Variants in RNMT observed in about 807,000 individuals in gnomAD.
RNMT encodes RNA guanine-7 methyltransferase, also known as mRNA cap guanine-N(7) methyltransferase.
RNMT carries 27 observed loss-of-function variants against 56.0 expected under a neutral mutation model. That is an observed-to-expected ratio of 0.48 (90% confidence interval 0.36 to 0.67). The LOEUF is 0.67. Among genes scored for constraint, RNMT ranks in the 30% least tolerant of loss-of-function variants. The probability of loss-of-function intolerance (pLI) is 0.00; values close to 1 mark genes in which losing one functional copy is unlikely to be tolerated. For missense variants in RNMT, 519 were observed against 552.1 expected (o/e 0.94, Z 0.60); for synonymous variants, 184 against 176.2 (o/e 1.04, Z -0.35).
At position 13,762,441 on chromosome 18, in the gene RNMT, T is replaced by C. The variant is rs921280851; in HGVS notation, c.*2462T>C. 1 of 334,096 alleles carries C rather than the reference T, an allele frequency of 3.0e-6. No individual in the cohort carries two copies. Among genetic ancestry groups the C allele is most frequent in the Non-Finnish European group, 5.5e-6 (1 of 181,908 alleles). The allele number at this position is 334,096 out of a possible 1,614,324, so 20.7% of individuals were successfully genotyped here. On this transcript the variant is annotated 3_prime_UTR_variant, in exon 12 of 12. Coordinates refer to ENST00000383314, the MANE Select transcript of RNMT (RefSeq NM_003799.3). Reference sequence around the variant, plus strand: ...TGCAGAGTCACTGCACCATCAGGCTTGGCCCTGCTGTGCCTTCAGTACCCA... The same window carrying C: ...TGCAGAGTCACTGCACCATCAGGCTCGGCCCTGCTGTGCCTTCAGTACCCA...
chr18:13,737,808 T>G (rs1185534694), intron 5 of RNMT, among the ~76,000 whole-genome samples: 3 of 149,968 alleles, frequency 2.0e-5, no homozygotes, highest in Non-Finnish European at 4.4e-5. Flanking sequence ...ACTTATAAAT[T>G]AAGGGGAGGA....
In RNMT at chr18:13,736,967, T is replaced by C. The variant is rs752946421; in HGVS notation, c.554-43T>C. 5.7e-6 allele frequency: 9 copies of C among 1,575,394 alleles called. No homozygotes were observed. In the African/African-American group the frequency reaches 1.2e-4, roughly 21 times the overall value. ...GGTAACAGTTTATACTTCAGTAAAA[T>C]TGAAGAAGAGGTAGTTTATTGTGAC... On this transcript the variant is annotated intron_variant, in intron 4 of 11. Transcript: ENST00000383314.
rs765124043 is a variant in RNMT at position 13,762,089 on chromosome 18, G to T, written c.*2110G>T. ...GGCATGGCTTTCCACCGTCGGGCCA[G>T]GAAGAGCACCTGTTGCTGCAAGCTC... On this transcript the variant is annotated 3_prime_UTR_variant, in exon 12 of 12. Coordinates refer to ENST00000383314, the MANE Select transcript of RNMT (RefSeq NM_003799.3). The T allele has an allele frequency of 1.3e-6, 2 of 1,536,102 alleles. No individual in the cohort carries two copies. Among genetic ancestry groups the T allele is most frequent in the South Asian group, 2.4e-5 (2 of 84,052 alleles).
At chr18:13,742,745 A>G in intron 8 of RNMT, 93 bp downstream of exon 8, 1 of 932,826 alleles carries the variant, frequency 1.1e-6, no homozygotes. Flanking sequence ...TTTATTTTAA[A>G]TGAGGGCTAA....
Position 13,760,720 on chromosome 18 carries a change from T to TA in RNMT, c.*742dup. 4.1e-6 allele frequency: 4 copies of TA among 985,380 alleles called. No homozygotes were observed. Among genetic ancestry groups the TA allele is most frequent in the Non-Finnish European group, 4.8e-6 (4 of 829,852 alleles). 61.0% of individuals were successfully genotyped at this position (985,380 alleles called of 1,614,324 possible). ...TTTCTTCATTGAACAAATGGTGCCA[T>TA]AGTTATTTTTCTCAAAATTTAGTGA... On this transcript the variant is annotated 3_prime_UTR_variant, in exon 12 of 12. Transcript: ENST00000383314.
intron 5 of RNMT, among the ~76,000 whole-genome samples, chr18:13,737,616 C>T (rs2044184123): frequency 6.6e-6 from 1 of 151,900 alleles, no homozygotes; most frequent in Non-Finnish European, 1.5e-5. Context: ...GATAACGTTT[C>T]CTTCCCAAAA....
intron 3 of RNMT, among the ~76,000 whole-genome samples, chr18:13,733,973 C>T (rs1255070912): frequency 1.3e-5 from 2 of 152,194 alleles, no homozygotes; most frequent in African/African-American, 2.4e-5. Context: ...TTATAGCTCT[C>T]ATAATTCCCA....
At position 13,732,623 on chromosome 18, in the gene RNMT, A is replaced by G. The variant is rs376254440; in HGVS notation, c.417+689A>G. On this transcript the variant is annotated intron_variant, in intron 3 of 11. Transcript: ENST00000383314. ...TTGAGGCAGAATCTGGAGTTAGAGG[A>G]AAAGATTACTTTAATGAGTAAATAA... 2.0e-5 allele frequency among the ~76,000 whole-genome samples: 3 copies of G among 152,302 alleles called. No homozygotes were observed. The South Asian group carries it at 6.2e-4, about 32-fold the overall frequency.
rs986389564 is a variant in RNMT at position 13,764,520 on chromosome 18, T to C, written c.*4541T>C. On this transcript the variant is annotated 3_prime_UTR_variant, in exon 12 of 12. Transcript: ENST00000383314. Reference sequence around the variant, plus strand: ...TTTTCATTCTCATGGTTGTATAATATTTCATTGTGTGAATAAACCACATAC... The same window carrying C: ...TTTTCATTCTCATGGTTGTATAATACTTCATTGTGTGAATAAACCACATAC... The C allele has an allele frequency of 6.6e-6, 1 of 152,250 alleles. No homozygotes were observed. Among genetic ancestry groups the C allele is most frequent in the African/African-American group, 2.4e-5 (1 of 41,468 alleles). The allele number at this position is 152,250 out of a possible 1,614,324, so 9.4% of individuals were successfully genotyped here. A position where few individuals can be genotyped will look rare whatever the true frequency, so the allele number is the denominator to read the frequency against.
chr18:13,742,142 C>T (rs1185093525), intron 7 of RNMT, among the ~76,000 whole-genome samples: 1 of 152,066 alleles, frequency 6.6e-6, no homozygotes, highest in Non-Finnish European at 1.5e-5. Context: ...AGTTTGAGAC[C>T]AGCCTGGACA....
chr18:13,754,104 G>C lies in RNMT; in HGVS notation c.1360-10G>C, dbSNP rs755909022. The stretch of plus-strand genomic sequence containing the variant: ...ATCTAAAATTTTCTTTTTCTCTTTT[G>C]TAATTTTAGGGAACCTTAAGTAAAT... On this transcript the variant is annotated splice_polypyrimidine_tract_variant and intron_variant, in intron 10 of 11. Transcript: ENST00000383314. 2.0e-6 allele frequency: 3 copies of C among 1,512,008 alleles called. No homozygotes were observed. The highest frequency in any genetic ancestry group is 2.7e-6 in the Non-Finnish European group (3 of 1,091,590). 93.7% of individuals were successfully genotyped at this position (1,512,008 alleles called of 1,614,324 possible).
intron 11 of RNMT, among the ~76,000 whole-genome samples, chr18:13,759,195 GGT>G (rs1164270611): frequency 6.6e-6 from 1 of 152,188 alleles, no homozygotes; most frequent in East Asian, 1.9e-4. Flanking sequence ...TTGGAAAAAT[GGT>G]GCCAGTAGAC....
intron 9 of RNMT, among the ~76,000 whole-genome samples, chr18:13,747,343 T>C (rs2044369247): frequency 6.6e-6 from 1 of 152,058 alleles, no homozygotes. Context: ...CTGAGCCTCC[T>C]GAGTAACTGA....
chr18:13,757,479 A>G (rs760308119), intron 11 of RNMT, among the ~76,000 whole-genome samples: 15 of 152,152 alleles, frequency 9.9e-5, no homozygotes, highest in Non-Finnish European at 1.8e-4. Flanking sequence ...CATTTCAACA[A>G]TGTTCCCAAT....
chr18:13,737,157 G>C, intron 5 of RNMT, 22 bp downstream of exon 5: 1 of 1,558,638 alleles, frequency 6.4e-7, no homozygotes, highest in Non-Finnish European at 8.8e-7. Context: ...AATGATATGG[G>C]AAAGAATAAT....
At chr18:13,748,713 C>G (rs1289962314) in intron 9 of RNMT, among the ~76,000 whole-genome samples, 6 of 151,982 alleles carry the variant, frequency 3.9e-5, no homozygotes, top group South Asian at 2.1e-4. Context: ...CTTTTTTTCA[C>G]CAGCAAACAT....
At chr18:13,745,799 A>G (rs2044341652) in intron 8 of RNMT, among the ~76,000 whole-genome samples, 1 of 151,816 alleles carries the variant, frequency 6.6e-6, no homozygotes. Flanking sequence ...GCAGTTCATG[A>G]TGTAGGGGAA....
intron 6 of RNMT, 108 bp downstream of exon 6, chr18:13,740,387 A>C (rs941694469): frequency 3.5e-5 from 23 of 657,146 alleles, no homozygotes; most frequent in Non-Finnish European, 5.2e-5. Flanking sequence ...ATTTACTCTT[A>C]TTTTTTGAGA....
chr18:13,755,032 C>CTA (rs1424642887), intron 11 of RNMT, among the ~76,000 whole-genome samples: 1 of 152,200 alleles, frequency 6.6e-6, no homozygotes, highest in Non-Finnish European at 1.5e-5. Context: ...CTCATTGTTA[C>CTA]TGTAGGAATC....
Sources: gnomAD v4.1 joint callset for allele counts (sites outside exome capture counted in the v4.1 genomes callset) on GRCh38, gnomAD v4.1.1 for gene constraint, MANE v1.5 for transcripts, NCBI Gene and HGNC (gene_info 2026-07-23, HGNC 2026-07-21) for gene names.